ZC3H12B: variants seen among roughly 807,000 people sequenced by gnomAD.
ZC3H12B encodes the protein zinc finger CCCH-type containing 12B, also known as probable ribonuclease ZC3H12B.
A neutral mutation model predicts 43.9 loss-of-function variants in ZC3H12B; 7 were observed. That is an observed-to-expected ratio of 0.16 (90% CI 0.09 to 0.30). The LOEUF (loss-of-function observed/expected upper bound fraction) is 0.30. Among genes scored for constraint, ZC3H12B ranks in the 10% least tolerant of loss-of-function variants. The pLI is 1.00. For missense variants in ZC3H12B, 475 were observed against 670.2 expected, an observed-to-expected ratio of 0.71 and a Z score of 3.22; for synonymous variants, 222 against 241.7, an observed-to-expected ratio of 0.92 and a Z score of 0.76.
intron 1 of ZC3H12B, among the ~76,000 whole-genome samples, chrX:65,368,250 T>C (rs1184348067): frequency 9.0e-6 from 1 of 111,584 alleles, no homozygotes; most frequent in Admixed American, 9.6e-5. Flanking sequence ...TTTAATTGGA[T>C]CAGAAAATTC....
chrX:65,253,835 C>T, the ZC3H12B span, among the ~76,000 whole-genome samples: 1 of 112,246 alleles, frequency 8.9e-6, no homozygotes, highest in African/African-American at 3.2e-5. Context: ...ACTGCAGCCT[C>T]CCCGAAGCTG....
chrX:65,143,987 T>C, the ZC3H12B span, among the ~76,000 whole-genome samples: 2 of 111,635 alleles, frequency 1.8e-5, no homozygotes, highest in South Asian at 7.5e-4. Context: ...TGTCCTTTTC[T>C]GGTTTTCATA....
At chrX:65,196,420 G>A in the ZC3H12B span, among the ~76,000 whole-genome samples, 1 of 111,380 alleles carries the variant, frequency 9.0e-6, no homozygotes. Context: ...GGGATTTTGG[G>A]TCAAGCTGAG....
At chrX:65,245,421 C>A in the ZC3H12B span, among the ~76,000 whole-genome samples, 1 of 111,473 alleles carries the variant, frequency 9.0e-6, no homozygotes. Context: ...CCTTGATGAA[C>A]ATAAATGCAA....
intron 3 of ZC3H12B, among the ~76,000 whole-genome samples, chrX:65,459,864 T>C (rs1212143004): frequency 9.0e-6 from 1 of 111,300 alleles, no homozygotes; most frequent in Admixed American, 9.6e-5. Flanking sequence ...CCAGGGCAAT[T>C]AGGCAGGAGA....
chrX:65,240,876 G>C, the ZC3H12B span, among the ~76,000 whole-genome samples: 1 of 111,714 alleles, frequency 9.0e-6, no homozygotes, highest in South Asian at 3.8e-4. Context: ...TAGTTGCCTA[G>C]GTTTTCCCCT....
intron 3 of ZC3H12B, among the ~76,000 whole-genome samples, chrX:65,401,221 C>T (rs1312861389): frequency 2.7e-5 from 3 of 111,665 alleles, no homozygotes; most frequent in African/African-American, 9.8e-5. Context: ...ACCCCTTCCG[C>T]ACCCTTGGCA....
chrX:65,217,377 T>C, the ZC3H12B span, among the ~76,000 whole-genome samples: 1 of 111,461 alleles, frequency 9.0e-6, no homozygotes, highest in African/African-American at 3.3e-5. Flanking sequence ...CTGGAATAAA[T>C]GCCCAACTCT....
rs776340063 is a variant in ZC3H12B, at chrX:65,456,741, G to C, written n.408-31905G>C. On this transcript the variant is annotated intron_variant and non_coding_transcript_variant, in intron 3 of 5. Transcript: ENST00000617377. ...TTGCAGACAGAGTCTCGTTCACTCAGTGCTCAATGGTGCCCAGGCTGGAGT... is the reference window on the plus strand; with the variant it reads ...TTGCAGACAGAGTCTCGTTCACTCACTGCTCAATGGTGCCCAGGCTGGAGT... 3.7e-5 allele frequency among the ~76,000 whole-genome samples: 4 copies of C among 109,203 alleles called. No individual in the cohort carries two copies. In the South Asian group the frequency reaches 1.2e-3, roughly 34 times the overall value. 94.8% of individuals were successfully genotyped at this position (109,203 alleles called of 115,157 possible). A position where few individuals can be genotyped will look rare whatever the true frequency, so the allele number is the denominator to read the frequency against.
intron 2 of ZC3H12B, among the ~76,000 whole-genome samples, chrX:65,383,137 C>T (rs1004866796): frequency 8.9e-6 from 1 of 111,823 alleles, no homozygotes; most frequent in Admixed American, 9.5e-5. Context: ...AAAGAGCCTG[C>T]ATTGCCAAGT....
chrX:65,117,743 G>A, the ZC3H12B span, among the ~76,000 whole-genome samples: 2 of 111,629 alleles, frequency 1.8e-5, no homozygotes, highest in African/African-American at 6.5e-5. Flanking sequence ...TTTGTATAAC[G>A]TATAAGGAAG....
chrX:65,384,668 A>G (rs2066496492), intron 2 of ZC3H12B, among the ~76,000 whole-genome samples: 1 of 111,685 alleles, frequency 9.0e-6, no homozygotes, highest in African/African-American at 3.3e-5. Context: ...AGTATTACCA[A>G]TAACATCAAA....
the ZC3H12B span, among the ~76,000 whole-genome samples, chrX:65,219,175 G>A: frequency 1.6e-4 from 18 of 111,649 alleles, no homozygotes; most frequent in African/African-American, 5.9e-4. Context: ...CTGAACAGTA[G>A]CACTTGAGCC....
intron 2 of ZC3H12B, among the ~76,000 whole-genome samples, chrX:65,381,190 C>T (rs144195812): frequency 0.013 from 1,462 of 110,801 alleles, 54 homozygotes; most frequent in Admixed American, 0.1. Flanking sequence ...CAAAATTGAC[C>T]GCATACGTGG....
At chrX:65,164,377 A>T in the ZC3H12B span, among the ~76,000 whole-genome samples, 1 of 111,306 alleles carries the variant, frequency 9.0e-6, no homozygotes, top group Admixed American at 9.6e-5. Flanking sequence ...AGATCTGAAA[A>T]ATACCTCAAA....
the ZC3H12B span, among the ~76,000 whole-genome samples, chrX:65,211,478 A>G: frequency 9.4e-6 from 1 of 106,646 alleles, no homozygotes; most frequent in Non-Finnish European, 1.9e-5. Flanking sequence ...TATATTGTTT[A>G]ATCTTCACAA....
At chrX:65,213,926 TACAC>T in the ZC3H12B span, among the ~76,000 whole-genome samples, 46 of 106,163 alleles carry the variant, frequency 4.3e-4, no homozygotes, top group African/African-American at 1.1e-3. Context: ...CACATATATG[TACAC>T]ACACACACAC....
the ZC3H12B span, among the ~76,000 whole-genome samples, chrX:65,282,062 A>AT: frequency 9.8e-5 from 11 of 112,201 alleles, no homozygotes; most frequent in South Asian, 7.4e-4. Flanking sequence ...CTCTTTTATG[A>AT]TAAAAAAAGA....
At chrX:65,169,957 A>G in the ZC3H12B span, among the ~76,000 whole-genome samples, 1 of 111,923 alleles carries the variant, frequency 8.9e-6, no homozygotes, top group African/African-American at 3.2e-5. Context: ...TCCTGAATAC[A>G]GCATACTGAT....
Sources: allele counts gnomAD v4.1 joint callset (sites outside exome capture counted in the v4.1 genomes callset), GRCh38; gene constraint gnomAD v4.1.1; transcripts MANE v1.5; gene names NCBI Gene and HGNC (gene_info 2026-07-23, HGNC 2026-07-21).